Variants in PCDHA3 observed in about 807,000 individuals in gnomAD.
The protein encoded by PCDHA3 is protocadherin alpha 3, also known as protocadherin alpha-3.
PCDHA3 carries 41 observed loss-of-function variants against 62.2 expected under a neutral mutation model. The observed-to-expected ratio is 0.66, with a 90% CI of 0.51 to 0.86. The LOEUF is 0.86. Ranked by LOEUF, PCDHA3 falls within the 40% of genes least tolerant of loss-of-function variation. PCDHA3 has a pLI of 0.00. For synonymous variants in PCDHA3, 640 were observed against 555.4 expected, an observed-to-expected ratio of 1.15 and a Z score of -2.14; for missense variants, 1,304 against 1,241.2, an observed-to-expected ratio of 1.05 and a Z score of -0.76.
intron 1 of PCDHA3, chr5:140,828,014 T>C: frequency 6.6e-7 from 1 of 1,509,628 alleles, no homozygotes; most frequent in Non-Finnish European, 8.9e-7. Context: ...AGAAATGGAT[T>C]AATAAATTCC....
intron 3 of PCDHA3, among the ~76,000 whole-genome samples, chr5:141,001,849 T>G (rs889682000): frequency 6.6e-6 from 1 of 151,820 alleles, no homozygotes; most frequent in Non-Finnish European, 1.5e-5. Context: ...GAGAGAGAGG[T>G]TGATTAAATT....
intron 1 of PCDHA3, among the ~76,000 whole-genome samples, chr5:140,940,999 A>C (rs2092715324): frequency 1.3e-5 from 2 of 152,264 alleles, no homozygotes; most frequent in Admixed American, 1.3e-4. Context: ...TATAGGATTA[A>C]ATTTTCCTTT....
rs1436927101 is a variant in PCDHA3 at position 140,886,292 on chromosome 5, T to A, written c.2394+82701T>A. Reference sequence around the variant, plus strand: ...AAATTTTTTAAAATTATTTTTATATTTATTTATTTTTTATTACACTTTAAG... The same window carrying A: ...AAATTTTTTAAAATTATTTTTATATATATTTATTTTTTATTACACTTTAAG... On this transcript the variant is annotated intron_variant, in intron 1 of 3. Coordinates refer to ENST00000522353, the MANE Select transcript of PCDHA3 (RefSeq NM_018906.3). 5.3e-5 allele frequency among the ~76,000 whole-genome samples: 8 copies of A among 152,090 alleles called. No homozygotes were observed. In the East Asian group the frequency reaches 1.3e-3, roughly 26 times the overall value.
intron 1 of PCDHA3, chr5:140,869,173 T>C: frequency 6.2e-7 from 1 of 1,613,884 alleles, no homozygotes; most frequent in African/African-American, 1.3e-5. Flanking sequence ...CCTCGAATTC[T>C]GGGAGGTGGG....
intron 1 of PCDHA3, among the ~76,000 whole-genome samples, chr5:140,946,338 A>T (rs1042874038): frequency 6.6e-6 from 1 of 151,824 alleles, no homozygotes; most frequent in Non-Finnish European, 1.5e-5. Flanking sequence ...ATAACAAGTG[A>T]TGGAGAGGAT....
intron 1 of PCDHA3, chr5:140,969,200 G>A: frequency 2.5e-6 from 4 of 1,614,132 alleles, no homozygotes; most frequent in Non-Finnish European, 3.4e-6. Context: ...TTACAATACA[G>A]GGGCCCAGAC....
At chr5:140,968,263 G>A (rs782272055) in intron 1 of PCDHA3, 20 of 1,613,978 alleles carry the variant, frequency 1.2e-5, no homozygotes, top group Middle Eastern at 3.3e-4. Flanking sequence ...CAGATGAAAA[G>A]GAGAATGCAG....
intron 1 of PCDHA3, among the ~76,000 whole-genome samples, chr5:140,819,726 A>G (rs1766606159): frequency 6.6e-6 from 1 of 152,118 alleles, no homozygotes; most frequent in Admixed American, 6.5e-5. Context: ...TTTAACAGAT[A>G]TGAAAGTGAA....
At chr5:140,909,951 G>A (rs560555991) in intron 1 of PCDHA3, among the ~76,000 whole-genome samples, 401 of 152,302 alleles carry the variant, frequency 2.6e-3, no homozygotes, top group African/African-American at 8.3e-3. Context: ...GTAAAAAGCC[G>A]TAGGTCTCCA....
At chr5:140,997,335 A>G (rs2097768018) in intron 3 of PCDHA3, among the ~76,000 whole-genome samples, 1 of 152,230 alleles carries the variant, frequency 6.6e-6, no homozygotes, top group African/African-American at 2.4e-5. Context: ...TTCGTTGTAC[A>G]AATATCATAG....
intron 1 of PCDHA3, chr5:140,860,323 G>C (rs782283348): frequency 2.6e-5 from 4 of 152,078 alleles, no homozygotes; most frequent in Non-Finnish European, 5.9e-5. Flanking sequence ...TGAGGCTGCA[G>C]TGACCCATGA....
In PCDHA3 at chr5:140,903,730, A is replaced by G. The variant is rs2070542594; in HGVS notation, c.2395-75219A>G. Among the ~76,000 whole-genome samples, 4 of 152,350 alleles carry G rather than the reference A, an allele frequency of 2.6e-5. No homozygotes were observed. In the South Asian group the frequency reaches 8.3e-4, roughly 32 times the overall value. ...AAATATACAATTCTCCCTATTATCA[A>G]TTATTACAGAATGTTTCCCTTGATT... is the stretch of plus-strand genomic sequence containing the variant. On this transcript the variant is annotated intron_variant, in intron 1 of 3. Transcript: ENST00000522353.
At chr5:140,869,628 T>A (rs1562631338) in intron 1 of PCDHA3, 1 of 1,613,700 alleles carries the variant, frequency 6.2e-7, no homozygotes. Flanking sequence ...TAAGTAAAAA[T>A]GAGTATTTTT....
At position 140,857,333 on chromosome 5, in the gene PCDHA3, G is replaced by C. The variant is rs200210897; in HGVS notation, c.2394+53742G>C. On this transcript the variant is annotated intron_variant, in intron 1 of 3. Coordinates refer to ENST00000522353, the MANE Select transcript of PCDHA3 (RefSeq NM_018906.3). Reference sequence around the variant, plus strand: ...TGAGCTGGTGGTGACCGCGCGGGACGGGGGCTCGCCTCCGCTGTGGGCCAC... The same window carrying C: ...TGAGCTGGTGGTGACCGCGCGGGACCGGGGCTCGCCTCCGCTGTGGGCCAC... 1.4e-4 allele frequency: 230 copies of C among 1,598,472 alleles called. 32 individuals are homozygous for C. The highest frequency in any genetic ancestry group is 1.8e-4 in the Non-Finnish European group (207 of 1,167,970).
intron 1 of PCDHA3, chr5:140,868,241 T>C (rs1042254119): frequency 2.0e-5 from 3 of 152,140 alleles, no homozygotes; most frequent in Non-Finnish European, 4.4e-5. Flanking sequence ...TCTAGATCAA[T>C]AGACTTTTCC....
intron 3 of PCDHA3, among the ~76,000 whole-genome samples, chr5:141,008,970 G>A (rs147776833): frequency 6.6e-6 from 1 of 152,236 alleles, no homozygotes; most frequent in East Asian, 1.9e-4. Flanking sequence ...TACATTTATA[G>A]CCAAAGTTTA....
chr5:140,841,782 T>C (rs1777485845), intron 1 of PCDHA3: 1 of 1,613,764 alleles, frequency 6.2e-7, no homozygotes, highest in Non-Finnish European at 8.5e-7. Context: ...CGGTTTCCGC[T>C]AGAGGGCGCG....
At chr5:140,901,643 G>A (rs1011127972) in intron 1 of PCDHA3, among the ~76,000 whole-genome samples, 7 of 151,908 alleles carry the variant, frequency 4.6e-5, no homozygotes, top group Non-Finnish European at 8.8e-5. Context: ...TGATTCTTCC[G>A]GTTTTGTTCT....
chr5:140,896,564 A>G (rs1475217228), intron 1 of PCDHA3, among the ~76,000 whole-genome samples: 1 of 150,096 alleles, frequency 6.7e-6, no homozygotes, highest in African/African-American at 2.5e-5. Flanking sequence ...TTAAGTAGAG[A>G]TGGGGTTTTG....
Sources: allele counts gnomAD v4.1 joint callset (sites outside exome capture counted in the v4.1 genomes callset), GRCh38; gene constraint gnomAD v4.1.1; transcripts MANE v1.5; gene names NCBI Gene and HGNC (gene_info 2026-07-23, HGNC 2026-07-21).